The following RGSL1 variants were observed in gnomAD, a reference collection of about 807,000 sequenced individuals.
The protein encoded by RGSL1 is regulator of G protein signaling protein-like.
RGSL1 carries 97 observed loss-of-function variants against 124.7 expected under a neutral mutation model. That is an observed-to-expected ratio of 0.78 (90% confidence interval 0.66 to 0.92). The LOEUF is 0.92. Among genes scored for constraint, RGSL1 ranks in the 40% least tolerant of loss-of-function variants. The probability of loss-of-function intolerance (pLI) is 0.00; values close to 1 mark genes in which losing one functional copy is unlikely to be tolerated. For missense variants in RGSL1, 1,233 were observed against 1,288.4 expected (o/e 0.96, Z 0.66); for synonymous variants, 424 against 438.1 (o/e 0.97, Z 0.40).
At chr1:182,521,133 C>T (rs1558369666) in intron 9 of RGSL1, among the ~76,000 whole-genome samples, 1 of 152,130 alleles carries the variant, frequency 6.6e-6, no homozygotes, top group Admixed American at 6.5e-5. Context: ...GCAGTGGTGT[C>T]ATCATAGCTC....
At chr1:182,487,751 A>G (rs1655199298) in intron 6 of RGSL1, among the ~76,000 whole-genome samples, 1 of 152,264 alleles carries the variant, frequency 6.6e-6, no homozygotes, top group African/African-American at 2.4e-5. Context: ...CATAGGAGGC[A>G]TTCATAAAGC....
intron 3 of RGSL1, 90 bp downstream of exon 3, chr1:182,458,483 T>G: frequency 8.8e-7 from 1 of 1,131,394 alleles, no homozygotes. Context: ...TTTGTTTTTG[T>G]TTTGGAGATG....
At chr1:182,458,877 C>T (rs376009738) in intron 3 of RGSL1, among the ~76,000 whole-genome samples, 13 of 152,218 alleles carry the variant, frequency 8.5e-5, no homozygotes, top group Admixed American at 8.5e-4. Flanking sequence ...CAGACAGCAT[C>T]AATCCAGGTC....
At chr1:182,514,245 T>G (rs1023192480) in intron 9 of RGSL1, among the ~76,000 whole-genome samples, 3 of 152,176 alleles carry the variant, frequency 2.0e-5, no homozygotes, top group Non-Finnish European at 4.4e-5. Context: ...CTTGCTGTAA[T>G]TGAGTGACTT....
chr1:182,529,121 A>G (rs1230421837), intron 11 of RGSL1, among the ~76,000 whole-genome samples: 14 of 152,210 alleles, frequency 9.2e-5, no homozygotes, highest in Non-Finnish European at 1.9e-4. Flanking sequence ...GAGCCAAACT[A>G]TATCACTAGT....
intron 6 of RGSL1, among the ~76,000 whole-genome samples, chr1:182,481,824 A>T (rs2102065992): frequency 6.6e-6 from 1 of 152,246 alleles, no homozygotes; most frequent in East Asian, 1.9e-4. Context: ...TATAAAAGAT[A>T]AAAATATTAT....
intron 13 of RGSL1, among the ~76,000 whole-genome samples, chr1:182,531,431 GA>G (rs1405433199): frequency 6.6e-6 from 1 of 152,124 alleles, no homozygotes; most frequent in Non-Finnish European, 1.5e-5. Flanking sequence ...TGTTACTCAG[GA>G]AAGTCTCTAT....
chr1:182,486,984 A>G (rs1321593814), intron 6 of RGSL1, among the ~76,000 whole-genome samples: 1 of 152,130 alleles, frequency 6.6e-6, no homozygotes, highest in African/African-American at 2.4e-5. Context: ...CTAGTCATAA[A>G]CCTTTTAAAC....
chr1:182,496,754 C>T (rs1438601576), intron 9 of RGSL1, among the ~76,000 whole-genome samples: 1 of 152,168 alleles, frequency 6.6e-6, no homozygotes, highest in Non-Finnish European at 1.5e-5. Flanking sequence ...TGAAATAATG[C>T]TGTTTCTAAA....
At position 182,525,639 on chromosome 1, in the gene RGSL1, T is replaced by C. The variant is rs570500165; in HGVS notation, c.1932-1940T>C. Reference sequence around the variant, plus strand: ...AGTGCTGCAGGAGAAAAAGAACATATATTCAAGGGAACTACAGCAAGATTA... The same window carrying C: ...AGTGCTGCAGGAGAAAAAGAACATACATTCAAGGGAACTACAGCAAGATTA... On this transcript the variant is annotated intron_variant, in intron 10 of 21. Transcript: ENST00000294854. 2.0e-5 allele frequency among the ~76,000 whole-genome samples: 3 copies of C among 152,134 alleles called. No individual in the cohort carries two copies. The East Asian group carries it at 5.8e-4, about 29-fold the overall frequency.
intron 4 of RGSL1, among the ~76,000 whole-genome samples, chr1:182,466,794 A>G (rs886752551): frequency 6.6e-6 from 1 of 152,200 alleles, no homozygotes; most frequent in African/African-American, 2.4e-5. Context: ...CAAAATCTCA[A>G]TGACATCTTT....
At position 182,509,641 on chromosome 1, in the gene RGSL1, G is replaced by A. The variant is rs1217427635; in HGVS notation, c.1826-12363G>A. On this transcript the variant is annotated intron_variant, in intron 9 of 21. Coordinates refer to ENST00000294854, the MANE Select transcript of RGSL1 (RefSeq NM_001137669.2). ...TGGGCAGAGGCGCCCCTCACCTCCC[G>A]GACGGGGCGGCTGGCCGGGCGGGGG... 4.7e-3 allele frequency among the ~76,000 whole-genome samples: 555 copies of A among 119,264 alleles called. 9 individuals carry two copies. The highest frequency in any genetic ancestry group is 0.017 in the African/African-American group (476 of 28,678). The allele number at this position is 119,264 out of a possible 152,430, so 78.2% of individuals were successfully genotyped here.
intron 9 of RGSL1, among the ~76,000 whole-genome samples, chr1:182,509,247 T>G: frequency 1.9e-5 from 1 of 53,610 alleles, no homozygotes. Flanking sequence ...GGCTCCTCAC[T>G]TCCCAGTAGG....
At chr1:182,557,327 G>T (rs1333593366) in intron 21 of RGSL1, among the ~76,000 whole-genome samples, 1 of 152,150 alleles carries the variant, frequency 6.6e-6, no homozygotes, top group Non-Finnish European at 1.5e-5. Context: ...TAAAAATCAG[G>T]CAAAAACTAA....
intron 9 of RGSL1, among the ~76,000 whole-genome samples, chr1:182,513,554 T>C (rs1657631067): frequency 6.6e-6 from 1 of 152,176 alleles, no homozygotes; most frequent in Non-Finnish European, 1.5e-5. Context: ...AGAAGAGAGA[T>C]AACTGTTTTT....
intron 4 of RGSL1, 105 bp downstream of exon 4, chr1:182,460,238 G>A (rs1652709143): frequency 7.2e-7 from 1 of 1,380,722 alleles, no homozygotes; most frequent in Non-Finnish European, 9.6e-7. Context: ...ATGTGTGTGT[G>A]TGTGTGTGTA....
intron 6 of RGSL1, among the ~76,000 whole-genome samples, chr1:182,479,566 C>T (rs2102059299): frequency 6.6e-6 from 1 of 152,092 alleles, no homozygotes; most frequent in South Asian, 2.1e-4. Context: ...AAAGGAAGGA[C>T]AGCAATAGAG....
At chr1:182,493,155 C>T (rs911957805) in intron 9 of RGSL1, 26 bp downstream of exon 9, 43 of 1,426,944 alleles carry the variant, frequency 3.0e-5, no homozygotes, top group African/African-American at 1.4e-4. Context: ...CAGGGATAGA[C>T]GAGGCAACTA....
chr1:182,494,534 G>A (rs1013689997), intron 9 of RGSL1, among the ~76,000 whole-genome samples: 1 of 151,932 alleles, frequency 6.6e-6, no homozygotes, highest in African/African-American at 2.4e-5. Flanking sequence ...AATTATATAC[G>A]TGGCTCACAT....
Sources: allele counts gnomAD v4.1 joint callset (sites outside exome capture counted in the v4.1 genomes callset), GRCh38; gene constraint gnomAD v4.1.1; transcripts MANE v1.5; gene names NCBI Gene and HGNC (gene_info 2026-07-23, HGNC 2026-07-21).